ZNF69: variants seen among roughly 807,000 people sequenced by gnomAD.
ZNF69 encodes the protein ZNF3.
A neutral mutation model predicts 50.9 loss-of-function variants in ZNF69; 47 were observed. That is an observed-to-expected ratio of 0.92 (90% CI 0.73 to 1.18). The LOEUF (loss-of-function observed/expected upper bound fraction) is 1.18, where lower values mean the gene tolerates loss of function less well. Ranked by LOEUF, ZNF69 falls within the 50% of genes most tolerant of loss-of-function variation. ZNF69 has a pLI of 0.00. For missense variants in ZNF69, 717 were observed against 675.1 expected (o/e 1.06, Z -0.69); for synonymous variants, 216 against 223.1 (o/e 0.97, Z 0.29).
chr19:11,903,350 G>A (rs1212375214), intron 1 of ZNF69, among the ~76,000 whole-genome samples: 1 of 152,220 alleles, frequency 6.6e-6, no homozygotes, highest in Non-Finnish European at 1.5e-5. Flanking sequence ...AACCCCGGCA[G>A]TGAGCCGAGA....
At chr19:11,936,009 C>T in the ZNF69 span, among the ~76,000 whole-genome samples, 1 of 152,172 alleles carries the variant, frequency 6.6e-6, no homozygotes, top group Non-Finnish European at 1.5e-5. Flanking sequence ...TTTCCAGTTT[C>T]ATCCATGTCC....
the ZNF69 span, among the ~76,000 whole-genome samples, chr19:11,974,077 C>CTTTCT: frequency 0.011 from 728 of 67,164 alleles, 14 homozygotes; most frequent in African/African-American, 0.036. Flanking sequence ...TCTTTTCTTT[C>CTTTCT]TTTCTTTCTT....
intron 1 of ZNF69, 34 bp downstream of exon 1, chr19:11,888,020 G>A: frequency 6.2e-7 from 1 of 1,604,902 alleles, no homozygotes; most frequent in Non-Finnish European, 8.5e-7. Context: ...GTGAGACGGG[G>A]GAGGGGCTGC....
the ZNF69 span, among the ~76,000 whole-genome samples, chr19:11,971,371 A>G: frequency 7.2e-5 from 11 of 152,216 alleles, no homozygotes. Flanking sequence ...ATTAATTCCC[A>G]GAGATGTCAA....
At chr19:11,934,662 G>A in the ZNF69 span, among the ~76,000 whole-genome samples, 1 of 147,366 alleles carries the variant, frequency 6.8e-6, no homozygotes, top group Non-Finnish European at 1.5e-5. Context: ...GAGTGTCTGG[G>A]ATTACAGGCG....
At chr19:11,937,772 G>A in the ZNF69 span, among the ~76,000 whole-genome samples, 1 of 152,060 alleles carries the variant, frequency 6.6e-6, no homozygotes, top group South Asian at 2.1e-4. Context: ...ACAAGTGTGA[G>A]CCACCGCACC....
chr19:11,956,660 A>G, the ZNF69 span: 1 of 397,158 alleles, frequency 2.5e-6, no homozygotes, highest in African/African-American at 2.1e-5. Flanking sequence ...GTTTGATACC[A>G]ACCTGGCCAA....
the ZNF69 span, among the ~76,000 whole-genome samples, chr19:11,960,095 C>T: frequency 6.7e-6 from 1 of 148,936 alleles, no homozygotes; most frequent in Non-Finnish European, 1.5e-5. Flanking sequence ...AGTTCAGTGG[C>T]GTGATCTCAC....
the ZNF69 span, among the ~76,000 whole-genome samples, chr19:11,933,498 C>T: frequency 6.8e-6 from 1 of 147,676 alleles, no homozygotes; most frequent in Admixed American, 6.6e-5. Flanking sequence ...CTCAAAATCC[C>T]CTGTGCTCTT....
chr19:11,955,111 T>G, the ZNF69 span, among the ~76,000 whole-genome samples: 1 of 150,462 alleles, frequency 6.6e-6, no homozygotes, highest in Non-Finnish European at 1.5e-5. Context: ...TTCAAGTGAT[T>G]CTCCTGCCTC....
the ZNF69 span, among the ~76,000 whole-genome samples, chr19:11,934,853 G>A: frequency 2.0e-5 from 3 of 147,514 alleles, no homozygotes; most frequent in East Asian, 6.0e-4. Context: ...TTAATGACAC[G>A]TGATGTAGAG....
At chr19:11,938,183 C>G in the ZNF69 span, among the ~76,000 whole-genome samples, 1 of 152,152 alleles carries the variant, frequency 6.6e-6, no homozygotes, top group Non-Finnish European at 1.5e-5. Flanking sequence ...ATTCTCCTGC[C>G]TCAGCCTCCC....
At chr19:11,911,122 A>G (rs9748999), downstream of ZNF69, among the ~76,000 whole-genome samples, 14 of 152,006 alleles carry the variant, frequency 9.2e-5, no homozygotes, top group South Asian at 8.3e-4. Context: ...ACCACAATGA[A>G]ATACCATCTC....
At chr19:11,915,888 A>G (rs1307141107), downstream of ZNF69, among the ~76,000 whole-genome samples, 2 of 152,152 alleles carry the variant, frequency 1.3e-5, no homozygotes, top group African/African-American at 2.4e-5. Flanking sequence ...TGGGTGACAG[A>G]GCGAGACTCT....
chr19:11,978,264 G>A, the ZNF69 span: 8 of 1,614,098 alleles, frequency 5.0e-6, no homozygotes, highest in Non-Finnish European at 6.8e-6. Context: ...ATGTGGAGAA[G>A]TTGGCATAGG....
chr19:11,970,346 A>G, the ZNF69 span, among the ~76,000 whole-genome samples: 33 of 152,364 alleles, frequency 2.2e-4, no homozygotes, highest in East Asian at 6.4e-3. Flanking sequence ...TATGTGAGTT[A>G]ACCACATGGA....
the ZNF69 span, chr19:11,978,812 T>A: frequency 1.1e-5 from 17 of 1,613,978 alleles, 1 homozygote; most frequent in Non-Finnish European, 1.4e-5. Context: ...TCAGTTGGTG[T>A]CATTCCTTTC....
At chr19:11,944,167 G>A in the ZNF69 span, among the ~76,000 whole-genome samples, 423 of 152,256 alleles carry the variant, frequency 2.8e-3, no homozygotes, top group African/African-American at 9.6e-3. Context: ...GAGATTGTTC[G>A]TGTAATTTTT....
At chr19:11,972,837 AT>A in the ZNF69 span, among the ~76,000 whole-genome samples, 1 of 152,034 alleles carries the variant, frequency 6.6e-6, no homozygotes, top group Admixed American at 6.6e-5. Context: ...CATACCTGTA[AT>A]CCTACCACTT....
Sources: allele counts gnomAD v4.1 joint callset (sites outside exome capture counted in the v4.1 genomes callset), GRCh38; gene constraint gnomAD v4.1.1; transcripts MANE v1.5; gene names NCBI Gene and HGNC (gene_info 2026-07-23, HGNC 2026-07-21).